UXS1: variants seen among roughly 807,000 people sequenced by gnomAD.
UXS1 encodes UDP-glucuronate decarboxylase 1, also known as UDP-glucuronic acid decarboxylase 1.
Under a neutral mutation model 62.6 loss-of-function variants are expected in UXS1, and 33 were observed. The ratio of observed to expected loss-of-function variants is 0.53; its 90% confidence interval spans 0.40 to 0.70. The LOEUF (loss-of-function observed/expected upper bound fraction) is 0.70. Among genes scored for constraint, UXS1 ranks in the 30% least tolerant of loss-of-function variants. The pLI is 0.00. For synonymous variants in UXS1, 213 were observed against 206.8 expected (o/e 1.03, Z -0.26); for missense variants, 434 against 556.3 (o/e 0.78, Z 2.21).
chr2:106,168,328 C>T (rs960687182), intron 1 of UXS1, among the ~76,000 whole-genome samples: 4 of 152,140 alleles, frequency 2.6e-5, no homozygotes, highest in Admixed American at 6.5e-5. Context: ...GCCATGGCAA[C>T]GTCAGGAAGT....
Position 106,120,507 on chromosome 2 carries a change from G to A in UXS1, c.759+2463C>T, listed in dbSNP as rs183054914. Reference sequence around the variant, plus strand: ...GTGCCCCCAGAGGTGGGCCTTCCTCGGTGCCATTTCTCACCTGGGCAGATG... The same window carrying A: ...GTGCCCCCAGAGGTGGGCCTTCCTCAGTGCCATTTCTCACCTGGGCAGATG... On this transcript the variant is annotated intron_variant, in intron 9 of 14. Transcript: ENST00000283148. Among the ~76,000 whole-genome samples the A allele has an allele frequency of 1.2e-4, 18 of 152,292 alleles. No homozygotes were observed. In the East Asian group the frequency reaches 1.5e-3, roughly 13 times the overall value.
intron 1 of UXS1, among the ~76,000 whole-genome samples, chr2:106,173,649 C>CT (rs1241642789): frequency 6.6e-6 from 1 of 152,254 alleles, no homozygotes; most frequent in East Asian, 1.9e-4. Context: ...CTATTCAACT[C>CT]TACCACTGGA....
At chr2:106,168,980 T>C (rs1234967343) in intron 1 of UXS1, among the ~76,000 whole-genome samples, 2 of 152,208 alleles carry the variant, frequency 1.3e-5, no homozygotes, top group African/African-American at 2.4e-5. Flanking sequence ...GTTTACTTAC[T>C]TTTAAAAAAG....
chr2:106,185,397 G>A (rs1684495480), intron 1 of UXS1, among the ~76,000 whole-genome samples: 1 of 152,216 alleles, frequency 6.6e-6, no homozygotes, highest in Non-Finnish European at 1.5e-5. Flanking sequence ...ACGTGTGTGT[G>A]CTTTTCCCAT....
intron 1 of UXS1, 31 bp downstream of exon 1, chr2:106,194,117 G>T: frequency 2.1e-6 from 3 of 1,448,822 alleles, no homozygotes; most frequent in Non-Finnish European, 9.1e-7. Context: ...AATGAATGGG[G>T]CTCCCCAGCT....
chr2:106,141,510 G>C (rs372574292), intron 6 of UXS1, among the ~76,000 whole-genome samples: 3 of 152,078 alleles, frequency 2.0e-5, no homozygotes, highest in African/African-American at 4.8e-5. Context: ...ACCCAGGCTG[G>C]AGTGCGGTGC....
At chr2:106,096,097 C>T (rs1285310904) in intron 14 of UXS1, among the ~76,000 whole-genome samples, 2 of 152,220 alleles carry the variant, frequency 1.3e-5, no homozygotes, top group Non-Finnish European at 1.5e-5. Context: ...GACCTGGCCC[C>T]GCACACTCAA....
chr2:106,110,228 C>T (rs1325527185), intron 10 of UXS1, among the ~76,000 whole-genome samples: 1 of 152,180 alleles, frequency 6.6e-6, no homozygotes. Context: ...AAGCCCACCA[C>T]GTTCTCGATT....
intron 13 of UXS1, chr2:106,097,462 T>C (rs1035070968): frequency 5.3e-5 from 18 of 342,706 alleles, no homozygotes; most frequent in African/African-American, 2.4e-4. Context: ...GGAGGCCACA[T>C]TGCAGACTCT....
At chr2:106,125,564 G>C (rs1410250143) in intron 8 of UXS1, 56 bp downstream of exon 8, 5 of 1,480,372 alleles carry the variant, frequency 3.4e-6, no homozygotes, top group Non-Finnish European at 4.5e-6. Flanking sequence ...TCTGAGACAG[G>C]ATGAAAACAG....
chr2:106,175,589 G>A (rs979370393), intron 1 of UXS1, among the ~76,000 whole-genome samples: 4 of 152,116 alleles, frequency 2.6e-5, no homozygotes, highest in Non-Finnish European at 4.4e-5. Flanking sequence ...ACAGATGGCC[G>A]CCAGTGCTTC....
intron 9 of UXS1, among the ~76,000 whole-genome samples, chr2:106,120,555 A>G (rs1197580955): frequency 6.6e-6 from 1 of 152,208 alleles, no homozygotes. Context: ...ACATGTGCTA[A>G]GTAGAGTGTG....
chr2:106,176,895 T>G (rs1683915927), intron 1 of UXS1, among the ~76,000 whole-genome samples: 1 of 152,182 alleles, frequency 6.6e-6, no homozygotes, highest in Non-Finnish European at 1.5e-5. Context: ...AAAGAGCAGC[T>G]CTCTGCAACC....
Position 106,112,641 on chromosome 2 carries a change from C to T in UXS1, c.879+5G>A. On this transcript the variant is annotated splice_donor_5th_base_variant and intron_variant, in intron 10 of 14. Coordinates refer to ENST00000283148, the MANE Select transcript of UXS1 (RefSeq NM_001253875.2). ...GGTGCTCCCTGAGCCGAGGCCAGCA[C>T]CTACCGTGAGTGGCTCCCCCTGGAG... The T allele has an allele frequency of 3.7e-6, 6 of 1,613,846 alleles. No individual in the cohort carries two copies. The highest frequency in any genetic ancestry group is 2.5e-6 in the Non-Finnish European group (3 of 1,179,842).
chr2:106,095,174 A>C (rs530348110), intron 14 of UXS1, among the ~76,000 whole-genome samples: 8 of 152,246 alleles, frequency 5.3e-5, no homozygotes, highest in Non-Finnish European at 8.8e-5. Context: ...AAAAAGCAAT[A>C]GTTAATACAT....
chr2:106,149,526 T>C (rs6724068), intron 5 of UXS1, among the ~76,000 whole-genome samples: 148,302 of 152,264 alleles, frequency 0.97, 72,317 homozygotes, highest in South Asian at 1. Context: ...TCTCTCTTGC[T>C]CTCTCTTTAC....
At chr2:106,170,167 G>T (rs1683462280) in intron 1 of UXS1, among the ~76,000 whole-genome samples, 2 of 152,100 alleles carry the variant, frequency 1.3e-5, no homozygotes, top group East Asian at 3.9e-4. Context: ...CCTGCAAGCA[G>T]CCCCCTGCAT....
intron 5 of UXS1, among the ~76,000 whole-genome samples, chr2:106,155,280 A>G (rs1481622621): frequency 6.6e-6 from 1 of 152,208 alleles, no homozygotes; most frequent in Non-Finnish European, 1.5e-5. Flanking sequence ...ACGACCAAAA[A>G]TAAGATATCC....
chr2:106,156,052 CAT>C lies in UXS1; in HGVS notation c.291+2004_291+2005del, dbSNP rs1202510881. Among the ~76,000 whole-genome samples, 4 of 151,958 alleles carry C rather than the reference CAT, an allele frequency of 2.6e-5. No individual in the cohort carries two copies. The East Asian group carries it at 7.7e-4, about 29-fold the overall frequency. On this transcript the variant is annotated intron_variant, in intron 5 of 14. Transcript: ENST00000283148. ...GCAAGAGAAAAAAACAGACTTTATC[CAT>C]ATTTAAAGCATTTGTGCTTCAAAGA...
Sources: gnomAD v4.1 joint callset for allele counts (sites outside exome capture counted in the v4.1 genomes callset) on GRCh38, gnomAD v4.1.1 for gene constraint, MANE v1.5 for transcripts, NCBI Gene and HGNC (gene_info 2026-07-23, HGNC 2026-07-21) for gene names.